The following MAP2K5 variants were observed in gnomAD, a reference collection of about 807,000 sequenced individuals.
MAP2K5 encodes the protein mitogen-activated protein kinase kinase 5.
A neutral mutation model predicts 83.1 loss-of-function variants in MAP2K5; 49 were observed. The ratio of observed to expected loss-of-function variants is 0.59; its 90% CI spans 0.47 to 0.75. The LOEUF is 0.75. Among genes scored for constraint, MAP2K5 ranks in the 30% least tolerant of loss-of-function variants. The pLI, the probability that MAP2K5 is intolerant of heterozygous loss-of-function variation, is 0.00. For missense variants in MAP2K5, 457 were observed against 557.5 expected (o/e 0.82, Z 1.82); for synonymous variants, 202 against 191.8 (o/e 1.05, Z -0.44).
intron 19 of MAP2K5, among the ~76,000 whole-genome samples, chr15:67,754,464 T>C (rs539284951): frequency 1.3e-5 from 2 of 152,326 alleles, no homozygotes; most frequent in Non-Finnish European, 2.9e-5. Flanking sequence ...AGCTCCTCCT[T>C]GGGCTGTGAT....
In MAP2K5 at chr15:67,543,276, C is replaced by T. The variant is rs1291842799; in HGVS notation, c.-60C>T. ...TCCCCTTGTCACCTCTTGGAGCCCC[C>T]TCCTAACCAGCGGCCAGTGGGTTTC... On this transcript the variant is annotated 5_prime_UTR_variant, in exon 1 of 22. Coordinates refer to ENST00000178640, the MANE Select transcript of MAP2K5 (RefSeq NM_145160.3). The surrounding 1 kb of genome is among the most constrained non-coding windows in gnomAD (Gnocchi z 4.3). The T allele has an allele frequency of 1.3e-6, 2 of 1,598,756 alleles. No homozygotes were observed. The highest frequency in any genetic ancestry group is 1.7e-6 in the Non-Finnish European group (2 of 1,167,834).
chr15:67,545,208 C>T (rs976832724), intron 1 of MAP2K5, among the ~76,000 whole-genome samples: 3 of 152,192 alleles, frequency 2.0e-5, no homozygotes, highest in African/African-American at 4.8e-5. Context: ...ACCTCTGTGT[C>T]GTCACAGCTT....
rs573859320 is a variant in MAP2K5 at position 67,806,925 on chromosome 15, A to G, written c.*175A>G. 1.1e-5 allele frequency: 18 copies of G among 1,585,992 alleles called. No individual in the cohort carries two copies. Among genetic ancestry groups the G allele is most frequent in the East Asian group, 2.3e-5 (1 of 44,346 alleles). On this transcript the variant is annotated 3_prime_UTR_variant, in exon 22 of 22. Coordinates refer to ENST00000178640, the MANE Select transcript of MAP2K5 (RefSeq NM_145160.3). ...GCCTGGGGAGCCCCATGTGTGGCCC[A>G]CCCCACCAGGCCATCCCCATACCTT... is the stretch of plus-strand genomic sequence containing the variant.
At chr15:67,597,809 TC>T (rs970641382) in intron 7 of MAP2K5, among the ~76,000 whole-genome samples, 2 of 151,516 alleles carry the variant, frequency 1.3e-5, no homozygotes, top group East Asian at 1.9e-4. Flanking sequence ...GTTTTTCCCA[TC>T]CCCCCCAAAT....
At chr15:67,741,897 C>CT (rs58351164) in intron 17 of MAP2K5, among the ~76,000 whole-genome samples, 33,303 of 144,696 alleles carry the variant, frequency 0.23, 4,622 homozygotes, top group East Asian at 0.59. Flanking sequence ...TAAGAAAGAA[C>CT]TTTTTTTTTT....
chr15:67,632,495 T>C (rs944453688), intron 9 of MAP2K5, among the ~76,000 whole-genome samples: 6 of 152,216 alleles, frequency 3.9e-5, no homozygotes, highest in African/African-American at 1.4e-4. Context: ...GAAAGCTGAA[T>C]TGTCAAAGAT....
In MAP2K5 at chr15:67,777,894, GT is replaced by G. The variant is rs1320517331; in HGVS notation, c.1242+5145del. On this transcript the variant is annotated intron_variant, in intron 21 of 21. Coordinates refer to ENST00000178640, the MANE Select transcript of MAP2K5 (RefSeq NM_145160.3). The surrounding 1 kb of genome is among the most constrained non-coding windows in gnomAD (Gnocchi z 6.0). ...CACCTAAAAAGAAACACAGGATGCA[GT>G]TTGCAATTGAAATTTGACATTTTGC... 2.6e-5 allele frequency among the ~76,000 whole-genome samples: 4 copies of G among 152,196 alleles called. No individual in the cohort carries two copies. Among genetic ancestry groups the G allele is most frequent in the Admixed American group, 2.0e-4 (3 of 15,286 alleles).
intron 8 of MAP2K5, among the ~76,000 whole-genome samples, chr15:67,603,041 ATGT>A (rs2085697217): frequency 6.6e-6 from 1 of 152,220 alleles, no homozygotes. Context: ...AATTATGTTA[ATGT>A]TGTTTTTAAA....
At chr15:67,585,304 C>T (rs1365983047) in intron 4 of MAP2K5, among the ~76,000 whole-genome samples, 1 of 151,978 alleles carries the variant, frequency 6.6e-6, no homozygotes, top group African/African-American at 2.4e-5. Flanking sequence ...ATTCTTTTTT[C>T]CTGGCACTGC....
chr15:67,601,613 A>G (rs946855511), intron 8 of MAP2K5, among the ~76,000 whole-genome samples: 2 of 152,232 alleles, frequency 1.3e-5, no homozygotes, highest in African/African-American at 4.8e-5. Context: ...ATTAATATGT[A>G]TTTCCAGAGT....
intron 11 of MAP2K5, among the ~76,000 whole-genome samples, chr15:67,657,324 G>A (rs2141138863): frequency 6.6e-6 from 1 of 152,138 alleles, no homozygotes; most frequent in African/African-American, 2.4e-5. Flanking sequence ...GAGTCATTCA[G>A]GTCATTCACT....
intron 8 of MAP2K5, among the ~76,000 whole-genome samples, chr15:67,602,535 C>G (rs2085682609): frequency 1.3e-5 from 2 of 152,130 alleles, no homozygotes; most frequent in African/African-American, 4.8e-5. Context: ...AATTTATTTT[C>G]CTAGCTTATT....
At chr15:67,707,340 A>C (rs558437469) in intron 16 of MAP2K5, among the ~76,000 whole-genome samples, 2 of 152,378 alleles carry the variant, frequency 1.3e-5, no homozygotes, top group African/African-American at 4.8e-5. Context: ...TGTTAGGAAT[A>C]GATGTAGCAA....
chr15:67,722,659 C>T lies in MAP2K5; in HGVS notation c.1045-5257C>T, dbSNP rs1399415368. ...TTTCTCTAGGACTGTGTAAATTGGT[C>T]TTGGGATGAAATCTCACCTAGGGAA... On this transcript the variant is annotated intron_variant, in intron 16 of 21. Coordinates refer to ENST00000178640, the MANE Select transcript of MAP2K5 (RefSeq NM_145160.3). This position sits in a 1 kb window ranked among gnomAD's most constrained non-coding sequence, Gnocchi z 4.2. Among the ~76,000 whole-genome samples, 1 of 152,138 alleles carries T rather than the reference C, an allele frequency of 6.6e-6. No individual in the cohort carries two copies. Among genetic ancestry groups the T allele is most frequent in the African/African-American group, 2.4e-5 (1 of 41,430 alleles).
rs2090348295 is a variant in MAP2K5 at position 67,782,711 on chromosome 15, G to T, written c.1242+9959G>T. 6.6e-6 allele frequency among the ~76,000 whole-genome samples: 1 copy of T among 151,898 alleles called. No homozygotes were observed. Among genetic ancestry groups the T allele is most frequent in the African/African-American group, 2.4e-5 (1 of 41,364 alleles). Reference sequence around the variant, plus strand: ...AAATTAAACATGACTTTTTTTTTAAGCCACAGCTTTGCCTCTGGAATACTC... The same window carrying T: ...AAATTAAACATGACTTTTTTTTTAATCCACAGCTTTGCCTCTGGAATACTC... On this transcript the variant is annotated intron_variant, in intron 21 of 21. Coordinates refer to ENST00000178640, the MANE Select transcript of MAP2K5 (RefSeq NM_145160.3). This position sits in a 1 kb window ranked among gnomAD's most constrained non-coding sequence, Gnocchi z 4.9.
chr15:67,684,398 C>G (rs2087895636), intron 13 of MAP2K5, among the ~76,000 whole-genome samples: 1 of 152,194 alleles, frequency 6.6e-6, no homozygotes, highest in African/African-American at 2.4e-5. Context: ...ACTCTCAACT[C>G]TCCTAAAATA....
chr15:67,604,209 T>G (rs1004285965), intron 8 of MAP2K5, among the ~76,000 whole-genome samples: 2 of 152,248 alleles, frequency 1.3e-5, no homozygotes, highest in African/African-American at 4.8e-5. Context: ...TGAGAGTGAC[T>G]TAGGCAGGTA....
chr15:67,658,797 G>A (rs776540090), intron 12 of MAP2K5, 183 bp downstream of exon 12: 1 of 641,692 alleles, frequency 1.6e-6, no homozygotes, highest in South Asian at 1.5e-5. Flanking sequence ...TCACAACATA[G>A]TCACACGCTT....
intron 17 of MAP2K5, among the ~76,000 whole-genome samples, chr15:67,728,369 G>A (rs1237766108): frequency 6.6e-6 from 1 of 152,038 alleles, no homozygotes; most frequent in East Asian, 1.9e-4. Context: ...CAAATATATA[G>A]GCCCCCAATT....
Sources: gnomAD v4.1 joint callset for allele counts (sites outside exome capture counted in the v4.1 genomes callset) on GRCh38, gnomAD v4.1.1 for gene constraint, Gnocchi (gnomAD v3.1) non-coding constraint, MANE v1.5 for transcripts, NCBI Gene and HGNC (gene_info 2026-07-23, HGNC 2026-07-21) for gene names.